Variants in PTPRZ1 observed in about 807,000 individuals in gnomAD.
The protein encoded by PTPRZ1 is protein tyrosine phosphatase receptor type Z1, also known as receptor-type tyrosine-protein phosphatase zeta.
PTPRZ1 carries 82 observed loss-of-function variants against 214.1 expected under a neutral mutation model. The ratio of observed to expected loss-of-function variants is 0.38; its 90% CI spans 0.32 to 0.46. The LOEUF is 0.46. PTPRZ1 is among the 20% of genes least tolerant of loss of function. The probability of loss-of-function intolerance (pLI) is 1.00; values close to 1 mark genes in which losing one functional copy is unlikely to be tolerated. For synonymous variants in PTPRZ1, 945 were observed against 987.9 expected (o/e 0.96, Z 0.81); for missense variants, 2,603 against 2,748.7 (o/e 0.95, Z 1.19).
intron 8 of PTPRZ1, among the ~76,000 whole-genome samples, chr7:121,994,333 T>TA (rs1384082565): frequency 1.4e-5 from 2 of 142,878 alleles, no homozygotes; most frequent in African/African-American, 2.6e-5. Flanking sequence ...CTTGCTCTGT[T>TA]GCCCCGGCTG....
chr7:121,960,131 C>T (rs1414057849), intron 2 of PTPRZ1, among the ~76,000 whole-genome samples: 14 of 152,208 alleles, frequency 9.2e-5, no homozygotes, highest in Non-Finnish European at 2.9e-5. Flanking sequence ...CTCCGCCTCC[C>T]AGGTTCCAGG....
chr7:121,958,789 G>A (rs6955395), intron 2 of PTPRZ1, among the ~76,000 whole-genome samples: 56,802 of 151,986 alleles, frequency 0.37, 10,859 homozygotes, highest in African/African-American at 0.43. Flanking sequence ...GAATCCTCTG[G>A]AACATTCCTA....
chr7:122,019,152 T>A lies in PTPRZ1; in HGVS notation c.4872T>A (p.Arg1624=). 2 of 1,612,092 alleles carry A rather than the reference T, an allele frequency of 1.2e-6. No individual in the cohort carries two copies. The highest frequency in any genetic ancestry group is 1.7e-6 in the Non-Finnish European group (2 of 1,178,314). Residue 1624 remains arginine (R), a synonymous_variant, in exon 13 of 30, where the codon CGT becomes CGA. Transcript: ENST00000393386. ...CCAGTAATAGTAGCCATGAGTCTCG[T>A]ATTGGTCTAGCTGAGGGGTTGGAAT... ...AEASNSSHES[R]IGLAEGLESE... is the part of the protein sequence containing the mutation.
intron 17 of PTPRZ1, 78 bp downstream of exon 17, chr7:122,034,456 C>A: frequency 7.6e-7 from 1 of 1,318,146 alleles, no homozygotes; most frequent in Non-Finnish European, 1.1e-6. Context: ...CTGAAGTCAT[C>A]TGAGAGCTGA....
chr7:121,952,338 C>T (rs1405888102), intron 2 of PTPRZ1, among the ~76,000 whole-genome samples: 2 of 151,970 alleles, frequency 1.3e-5, no homozygotes, highest in Admixed American at 1.3e-4. Flanking sequence ...AATTCCAGTG[C>T]TTTGGGAGAC....
At chr7:122,055,285 G>A (rs1041763962) in intron 27 of PTPRZ1, among the ~76,000 whole-genome samples, 198 bp downstream of exon 27, 5 of 151,772 alleles carry the variant, frequency 3.3e-5, no homozygotes, top group Non-Finnish European at 7.4e-5. Flanking sequence ...TCATCACTAC[G>A]TCATTCCTGA....
At chr7:121,904,259 G>A (rs73229136) in intron 1 of PTPRZ1, among the ~76,000 whole-genome samples, 26,647 of 152,034 alleles carry the variant, frequency 0.18, 2,568 homozygotes, top group East Asian at 0.29. Context: ...CGTTTTTCAA[G>A]TATCTCACTC....
At chr7:121,877,203 A>C (rs1421117414) in intron 1 of PTPRZ1, among the ~76,000 whole-genome samples, 2 of 152,146 alleles carry the variant, frequency 1.3e-5, no homozygotes, top group Non-Finnish European at 2.9e-5. Flanking sequence ...TACACCTTTT[A>C]CAAATGAGGG....
At chr7:121,923,449 A>G (rs545038477) in intron 1 of PTPRZ1, among the ~76,000 whole-genome samples, 2 of 152,278 alleles carry the variant, frequency 1.3e-5, no homozygotes, top group East Asian at 3.9e-4. Flanking sequence ...TTTTCTTAGG[A>G]GCACTGTATT....
At chr7:121,954,661 T>A (rs1796653791) in intron 2 of PTPRZ1, among the ~76,000 whole-genome samples, 1 of 152,252 alleles carries the variant, frequency 6.6e-6, no homozygotes, top group African/African-American at 2.4e-5. Context: ...ACATGAGTTC[T>A]TTGATGATGG....
intron 14 of PTPRZ1, 91 bp from the exon 15 acceptor site, chr7:122,031,383 T>C: frequency 1.2e-6 from 1 of 861,116 alleles, no homozygotes; most frequent in Non-Finnish European, 1.9e-6. Context: ...ATACAAATAA[T>C]TGAAGTTGTT....
intron 22 of PTPRZ1, among the ~76,000 whole-genome samples, chr7:122,043,580 A>G (rs1286503683): frequency 1.3e-5 from 2 of 152,202 alleles, no homozygotes; most frequent in Admixed American, 1.3e-4. Flanking sequence ...TCAGAAACAC[A>G]TGGCTGAGTG....
In PTPRZ1 at chr7:122,038,844, T is replaced by C. The variant is rs1182015659; in HGVS notation, c.5457T>C (p.Asn1819=). The C allele has an allele frequency of 6.2e-7, 1 of 1,613,874 alleles. No homozygotes were observed. The highest frequency in any genetic ancestry group is 1.7e-5 in the Admixed American group (1 of 60,012). ...TCTGGAGAATGATATGGGAACATAA[T>C]GTGGAAGTTATTGTCATGATAACAA... ...EDFWRMIWEH[N]VEVIVMITNL... The change falls in exon 19 of 30, where the codon AAT becomes AAC. Residue 1819 remains asparagine (N), a synonymous_variant. Transcript: ENST00000393386.
At chr7:121,993,200 A>T (rs930583290) in intron 8 of PTPRZ1, among the ~76,000 whole-genome samples, 4 of 152,068 alleles carry the variant, frequency 2.6e-5, no homozygotes, top group Non-Finnish European at 4.4e-5. Flanking sequence ...ATCTGGAAAA[A>T]TGTTATTGAT....
rs992532026 is a variant in PTPRZ1, at chr7:122,051,468, C to T, written c.6125C>T (p.Ala2042Val). 7 of 1,613,382 alleles carry T rather than the reference C, an allele frequency of 4.3e-6. No homozygotes were observed. The highest frequency in any genetic ancestry group is 5.9e-6 in the Non-Finnish European group (7 of 1,179,530). The part of the protein sequence containing the change: ...QSNIQQSDYS[A>V]ALKQCNREKN... Reference sequence around the variant, plus strand: ...AATATACAGCAGAGTGACTATTCTGCAGCCCTAAAGCAATGCAACAGGGAA... The same window carrying T: ...AATATACAGCAGAGTGACTATTCTGTAGCCCTAAAGCAATGCAACAGGGAA... The change falls in exon 24 of 30, where the codon GCA becomes GTA. Residue 2042 changes from alanine (A) to valine (V), a missense_variant. Physicochemically the swap from Ala to Val is moderately conservative, Grantham distance 64 (BLOSUM62 0). This residue lies in a region of PTPRZ1 where 134 missense variants were observed against 183.3 expected (regional missense o/e 0.73). Transcript: ENST00000393386.
intron 1 of PTPRZ1, among the ~76,000 whole-genome samples, chr7:121,886,864 A>G (rs1490867561): frequency 1.3e-5 from 2 of 152,066 alleles, no homozygotes; most frequent in East Asian, 3.9e-4. Flanking sequence ...AGGGGAAAGG[A>G]CCTATAGGTT....
At chr7:122,019,415 AG>A in intron 13 of PTPRZ1, 147 bp downstream of exon 13, 1 of 791,414 alleles carries the variant, frequency 1.3e-6, no homozygotes, top group Non-Finnish European at 2.0e-6. Flanking sequence ...GTGAATCCAA[AG>A]GCACAATAAT....
rs1793930952 is a variant in PTPRZ1 at position 121,873,205 on chromosome 7, G to T, written c.-295G>T. On this transcript the variant is annotated 5_prime_UTR_variant, in exon 1 of 30. Transcript: ENST00000393386. ...CGGCGAAAGAGGCAAAGTCCCGCAC[G>T]CCGGAGGACATGCGCCTCGGCTAGC... 2 of 425,670 alleles carry T rather than the reference G, an allele frequency of 4.7e-6. No individual in the cohort carries two copies. The highest frequency in any genetic ancestry group is 7.0e-5 in the East Asian group (2 of 28,772). 26.4% of individuals were successfully genotyped at this position (425,670 alleles called of 1,614,324 possible).
chr7:122,002,662 C>A (rs778573673), intron 10 of PTPRZ1, among the ~76,000 whole-genome samples: 1 of 152,112 alleles, frequency 6.6e-6, no homozygotes, highest in African/African-American at 2.4e-5. Flanking sequence ...ACCCTTATTA[C>A]GATTAAATAA....
Sources: allele counts gnomAD v4.1 joint callset (sites outside exome capture counted in the v4.1 genomes callset), GRCh38; gene constraint gnomAD v4.1.1; regional missense constraint gnomAD v4.1.1; transcripts MANE v1.5; gene names NCBI Gene and HGNC (gene_info 2026-07-23, HGNC 2026-07-21).